The following SV2C variants were observed in gnomAD, a reference collection of about 807,000 sequenced individuals.
SV2C encodes solute carrier family 22 member B3.
Under a neutral mutation model 79.7 loss-of-function variants are expected in SV2C, and 49 were observed. The observed-to-expected ratio is 0.61, with a 90% CI of 0.49 to 0.78. The LOEUF (loss-of-function observed/expected upper bound fraction) is 0.78, where lower values mean the gene tolerates loss of function less well. Ranked by LOEUF, SV2C falls within the 30% of genes least tolerant of loss-of-function variation. The pLI is 0.00. For synonymous variants in SV2C, 334 were observed against 333.2 expected, an observed-to-expected ratio of 1.00 and a Z score of -0.03; for missense variants, 833 against 912.9, an observed-to-expected ratio of 0.91 and a Z score of 1.13.
intron 4 of SV2C, among the ~76,000 whole-genome samples, chr5:76,212,796 C>T (rs1744803705): frequency 6.6e-6 from 1 of 152,188 alleles, no homozygotes; most frequent in South Asian, 2.1e-4. Flanking sequence ...GCCTTTCACA[C>T]ATCCCTGCCC....
rs1749008120 is a variant in SV2C at position 76,326,718 on chromosome 5, A to C, written c.*1171A>C. ...CCCTGTAAAATCACAGCCCGCCTGC[A>C]CTCCTGAGGGCCCCTCTCACAGACA... is the stretch of plus-strand genomic sequence containing the variant. On this transcript the variant is annotated 3_prime_UTR_variant, in exon 13 of 13. Transcript: ENST00000502798. The C allele has an allele frequency of 6.6e-6, 1 of 151,876 alleles. No individual in the cohort carries two copies. Among genetic ancestry groups the C allele is most frequent in the Non-Finnish European group, 1.5e-5 (1 of 68,190 alleles). The allele number at this position is 151,876 out of a possible 1,614,324, so 9.4% of individuals were successfully genotyped here.
Position 76,146,805 on chromosome 5 carries a change from A to T in SV2C, c.580+14475A>T, listed in dbSNP as rs1242880722. ...AGGAATGAGTTTTTTTTTAAAAAAA[A>T]AAAAAAAAAAAAAAAGCCAAACAAA... On this transcript the variant is annotated intron_variant, in intron 2 of 12. Coordinates refer to ENST00000502798, the MANE Select transcript of SV2C (RefSeq NM_014979.4). Among the ~76,000 whole-genome samples the T allele has an allele frequency of 8.4e-4, 124 of 148,078 alleles. 1 individual carries two copies. The East Asian group carries it at 0.014, about 17-fold the overall frequency.
At chr5:75,992,330 A>C in the SV2C span, among the ~76,000 whole-genome samples, 210 of 152,130 alleles carry the variant, frequency 1.4e-3, 2 homozygotes, top group South Asian at 8.7e-3. Flanking sequence ...GTTTACACAT[A>C]CTATATATGT....
At chr5:76,198,124 A>G (rs1057063608) in intron 3 of SV2C, among the ~76,000 whole-genome samples, 2 of 152,200 alleles carry the variant, frequency 1.3e-5, no homozygotes, top group African/African-American at 2.4e-5. Flanking sequence ...CAGTTTACCA[A>G]TTTGCATGCC....
At chr5:76,293,317 T>C (rs1004708876) in intron 8 of SV2C, among the ~76,000 whole-genome samples, 1 of 152,238 alleles carries the variant, frequency 6.6e-6, no homozygotes, top group East Asian at 1.9e-4. Flanking sequence ...AAGGAAGTCC[T>C]GCTGTCAAGG....
rs185099321 is a variant in SV2C, at chr5:76,157,112, G to A, written c.580+24782G>A. ...GATTAGCAAACACAAAGAGGTCAGA[G>A]ACATTATAGTAAAAATGCTGAGAAT... is the stretch of plus-strand genomic sequence containing the variant. On this transcript the variant is annotated intron_variant, in intron 2 of 12. Transcript: ENST00000502798. Among the ~76,000 whole-genome samples the A allele has an allele frequency of 1.0e-3, 156 of 152,138 alleles. 1 individual carries two copies. The highest frequency in any genetic ancestry group is 3.7e-3 in the African/African-American group (153 of 41,536).
chr5:75,952,262 CCTTCCTTCCTTCCTTCCTTCCTTCCTTT>C, the SV2C span, among the ~76,000 whole-genome samples: 1 of 121,676 alleles, frequency 8.2e-6, no homozygotes, highest in Non-Finnish European at 1.9e-5. Context: ...TTCCTTCCTT[CCTTCCTTCCTTCCTTCCTTCCTTCCTTT>C]CTTCCTTCCT....
chr5:75,959,818 A>C, the SV2C span, among the ~76,000 whole-genome samples: 2 of 152,008 alleles, frequency 1.3e-5, no homozygotes, highest in African/African-American at 4.8e-5. Context: ...TTTCCTGTAG[A>C]GGTAAAAGGA....
intron 2 of SV2C, among the ~76,000 whole-genome samples, chr5:76,158,853 A>G (rs1742816135): frequency 6.6e-6 from 1 of 152,050 alleles, no homozygotes; most frequent in Non-Finnish European, 1.5e-5. Flanking sequence ...AGGAAGGAAA[A>G]CTACAAACCA....
At chr5:75,904,227 C>G in the SV2C span, among the ~76,000 whole-genome samples, 1 of 152,110 alleles carries the variant, frequency 6.6e-6, no homozygotes, top group East Asian at 1.9e-4. Flanking sequence ...ATAAAAATAT[C>G]ATTTATTTTG....
chr5:76,117,996 G>A (rs373812100), intron 1 of SV2C, among the ~76,000 whole-genome samples: 4 of 152,176 alleles, frequency 2.6e-5, no homozygotes, highest in East Asian at 1.9e-4. Context: ...TATATGAAGA[G>A]CTCTTAAAAT....
intron 1 of SV2C, among the ~76,000 whole-genome samples, chr5:76,095,981 A>G (rs1032800222): frequency 1.3e-5 from 2 of 152,168 alleles, no homozygotes; most frequent in Non-Finnish European, 2.9e-5. Flanking sequence ...CAAAGGCTTT[A>G]TTTTGTGAAA....
the SV2C span, among the ~76,000 whole-genome samples, chr5:75,920,254 A>G: frequency 1.3e-5 from 2 of 152,192 alleles, no homozygotes; most frequent in African/African-American, 4.8e-5. Context: ...CATGGTTTAA[A>G]GGTTGGGCCC....
chr5:76,082,578 T>A (rs185039737), upstream of SV2C, among the ~76,000 whole-genome samples: 13 of 145,812 alleles, frequency 8.9e-5, no homozygotes, highest in African/African-American at 3.2e-4. Flanking sequence ...TTTCTCTTTT[T>A]CTTTCTTTCT....
At chr5:75,952,154 A>C in the SV2C span, among the ~76,000 whole-genome samples, 1 of 152,004 alleles carries the variant, frequency 6.6e-6, no homozygotes, top group South Asian at 2.1e-4. Context: ...ACTGAAACAG[A>C]AAAATGAAAC....
chr5:75,972,301 G>A, the SV2C span, among the ~76,000 whole-genome samples: 1 of 152,088 alleles, frequency 6.6e-6, no homozygotes, highest in Non-Finnish European at 1.5e-5. Context: ...AAAAGCGATG[G>A]ACAACAAAAG....
At chr5:76,108,084 T>G (rs1275336427) in intron 1 of SV2C, among the ~76,000 whole-genome samples, 1 of 152,192 alleles carries the variant, frequency 6.6e-6, no homozygotes, top group Non-Finnish European at 1.5e-5. Flanking sequence ...TTCAGGATAC[T>G]TTTTTGGATG....
At chr5:76,246,832 A>G (rs1373266828) in intron 4 of SV2C, among the ~76,000 whole-genome samples, 2 of 152,168 alleles carry the variant, frequency 1.3e-5, no homozygotes, top group Non-Finnish European at 2.9e-5. Context: ...ATTAACATGC[A>G]TACATGCTTG....
the SV2C span, among the ~76,000 whole-genome samples, chr5:75,983,382 T>G: frequency 2.0e-5 from 3 of 151,952 alleles, no homozygotes; most frequent in Non-Finnish European, 4.4e-5. Flanking sequence ...TTTAGAAAAA[T>G]GACATCAAAA....
Sources: gnomAD v4.1 joint callset for allele counts (sites outside exome capture counted in the v4.1 genomes callset) on GRCh38, gnomAD v4.1.1 for gene constraint, MANE v1.5 for transcripts, NCBI Gene and HGNC (gene_info 2026-07-23, HGNC 2026-07-21) for gene names.